The following SPDYE5 variants were observed in gnomAD, a reference collection of about 807,000 sequenced individuals.
The protein encoded by SPDYE5 is speedy/RINGO cell cycle regulator family member E5.
In SPDYE5, 15 loss-of-function variants were observed where a neutral mutation model predicts 48.5. The ratio of observed to expected loss-of-function variants is 0.31; its 90% CI spans 0.21 to 0.48. SPDYE5 has a LOEUF of 0.48. Ranked by LOEUF, SPDYE5 falls within the 20% of genes least tolerant of loss-of-function variation. The pLI, the probability that SPDYE5 is intolerant of heterozygous loss-of-function variation, is 0.99. For missense variants in SPDYE5, 331 were observed against 549.1 expected, an observed-to-expected ratio of 0.60 and a Z score of 3.97; for synonymous variants, 116 against 200.7, an observed-to-expected ratio of 0.58 and a Z score of 3.57.
At chr7:75,496,015 CAAA>C (rs58917345) in intron 3 of SPDYE5, among the ~76,000 whole-genome samples, 20 of 65,792 alleles carry the variant, frequency 3.0e-4, no homozygotes, top group East Asian at 5.4e-4. Flanking sequence ...GACGCTGTGT[CAAA>C]AAAAAAAAAA....
rs1282248176 is a variant in SPDYE5, at chr7:75,503,169, A to G, written c.*382A>G. 3.2e-5 allele frequency: 13 copies of G among 412,532 alleles called. No homozygotes were observed. Among genetic ancestry groups the G allele is most frequent in the African/African-American group, 8.2e-5 (4 of 48,606 alleles). 25.6% of individuals were successfully genotyped at this position (412,532 alleles called of 1,614,324 possible). On this transcript the variant is annotated 3_prime_UTR_variant, in exon 9 of 9. Coordinates refer to ENST00000625065, the MANE Select transcript of SPDYE5 (RefSeq NM_001306141.4). ...GGTCCTGTTTCTTATGGACTTGGTT[A>G]CCACAGTCCAGAAGCATTTGAAGGC...
chr7:75,495,355 G>A lies in SPDYE5; in HGVS notation c.360G>A (p.Lys120=). The A allele has an allele frequency of 1.3e-6, 2 of 1,597,630 alleles. No individual in the cohort carries two copies. The highest frequency in any genetic ancestry group is 1.1e-5 in the South Asian group (1 of 90,992). Reference sequence around the variant, plus strand: ...CACCCATCCTCCCTGAGCACCACAAGGGCTTCAACAGTCAGCTTGGTAGGA... The same window carrying A: ...CACCCATCCTCCCTGAGCACCACAAAGGCTTCAACAGTCAGCTTGGTAGGA... ...RVSPILPEHH[K]GFNSQLAPGV... is the part of the protein sequence containing the mutation. Residue 120 remains lysine, a synonymous_variant, in exon 3 of 9, where the codon AAG becomes AAA. Transcript: ENST00000625065.
Position 75,503,745 on chromosome 7 carries a change from A to G in SPDYE5, c.*958A>G. On this transcript the variant is annotated 3_prime_UTR_variant, in exon 9 of 9. Coordinates refer to ENST00000625065, the MANE Select transcript of SPDYE5 (RefSeq NM_001306141.4). ...ATCTATTTTATTGGTTTATTTTGAA[A>G]AACATGGGTATAGAATTATTTAAAT... 1 of 149,444 alleles carries G rather than the reference A, an allele frequency of 6.7e-6. No homozygotes were observed. The highest frequency in any genetic ancestry group is 1.5e-5 in the Non-Finnish European group (1 of 67,444). The allele number at this position is 149,444 out of a possible 1,614,324, so 9.3% of individuals were successfully genotyped here.
intron 3 of SPDYE5, among the ~76,000 whole-genome samples, chr7:75,495,619 C>T (rs587707340): frequency 1.1e-3 from 169 of 152,348 alleles, no homozygotes; most frequent in African/African-American, 3.9e-3. Flanking sequence ...TGGCTCACGC[C>T]TGAGATCCTA....
At chr7:75,497,618 C>T (rs1554482776) in intron 4 of SPDYE5, among the ~76,000 whole-genome samples, 2 of 147,270 alleles carry the variant, frequency 1.4e-5, no homozygotes, top group African/African-American at 5.1e-5. Context: ...GTGACTGTCT[C>T]ATGAGGAAAT....
chr7:75,500,777 C>T (rs1793116171), intron 6 of SPDYE5, among the ~76,000 whole-genome samples: 1 of 152,184 alleles, frequency 6.6e-6, no homozygotes, highest in South Asian at 2.1e-4. Context: ...GGCCCAATCT[C>T]AACTCACTGC....
At chr7:75,500,904 C>T (rs1473338019) in intron 6 of SPDYE5, among the ~76,000 whole-genome samples, 1 of 152,130 alleles carries the variant, frequency 6.6e-6, no homozygotes, top group Non-Finnish European at 1.5e-5. Context: ...GATGGGGTTT[C>T]TCCGTGTTGA....
intron 1 of SPDYE5, among the ~76,000 whole-genome samples, chr7:75,493,319 C>G (rs1554481985): frequency 6.6e-6 from 1 of 151,738 alleles, no homozygotes; most frequent in African/African-American, 2.4e-5. Context: ...GGGGCAGTTT[C>G]CTATGATTTT....
At chr7:75,492,968 T>C (rs1451579697) in intron 1 of SPDYE5, among the ~76,000 whole-genome samples, 1 of 151,640 alleles carries the variant, frequency 6.6e-6, no homozygotes, top group Non-Finnish European at 1.5e-5. Context: ...GCTAATTTGG[T>C]TTGGTTTTGT....
At chr7:75,495,473 G>A (rs1343304619) in intron 3 of SPDYE5, 99 bp downstream of exon 3, 14 of 1,556,160 alleles carry the variant, frequency 9.0e-6, no homozygotes, top group Admixed American at 3.8e-5. Flanking sequence ...TACGCCCCCC[G>A]TGGGTGAGCT....
intron 2 of SPDYE5, among the ~76,000 whole-genome samples, chr7:75,494,480 G>T (rs1584735631): frequency 1.4e-5 from 2 of 146,942 alleles, no homozygotes; most frequent in Non-Finnish European, 3.0e-5. Context: ...CTGGGAGGAA[G>T]AGGTTGCAGT....
In SPDYE5 at chr7:75,500,744, T is replaced by G. The variant is rs587609682; in HGVS notation, c.756-618T>G. ...TGATTATTGAGATAGAGTCTTGCTCTGCCTCTCAGGCTGGAATGGAGTGGC... is the reference window on the plus strand; with the variant it reads ...TGATTATTGAGATAGAGTCTTGCTCGGCCTCTCAGGCTGGAATGGAGTGGC... On this transcript the variant is annotated intron_variant, in intron 6 of 8. Coordinates refer to ENST00000625065, the MANE Select transcript of SPDYE5 (RefSeq NM_001306141.4). Among the ~76,000 whole-genome samples the G allele has an allele frequency of 9.2e-5, 14 of 152,334 alleles. No individual in the cohort carries two copies. The East Asian group carries it at 2.5e-3, about 27-fold the overall frequency.
chr7:75,494,269 G>A, intron 2 of SPDYE5, 62 bp downstream of exon 2: 10 of 1,524,844 alleles, frequency 6.6e-6, no homozygotes, highest in Admixed American at 2.0e-5. Flanking sequence ...AAGGGGGCCA[G>A]GTGCGGTGGC....
rs1211173336 is a variant in SPDYE5 at position 75,503,451 on chromosome 7, C to G, written c.*664C>G. On this transcript the variant is annotated 3_prime_UTR_variant, in exon 9 of 9. Transcript: ENST00000625065. ...TAATTTTCTTTTCATTTTTAAGAGACAATTCTTTTTATCCTAAATATTTTA... is the reference window on the plus strand; with the variant it reads ...TAATTTTCTTTTCATTTTTAAGAGAGAATTCTTTTTATCCTAAATATTTTA... The G allele has an allele frequency of 2.0e-5, 3 of 153,758 alleles. No individual in the cohort carries two copies. The highest frequency in any genetic ancestry group is 7.2e-5 in the African/African-American group (3 of 41,426). 9.5% of individuals were successfully genotyped at this position (153,758 alleles called of 1,614,324 possible).
chr7:75,500,177 C>T (rs1208019793), intron 6 of SPDYE5, among the ~76,000 whole-genome samples: 7 of 136,848 alleles, frequency 5.1e-5, no homozygotes, highest in Non-Finnish European at 1.1e-4. Context: ...CTTTCTCTAT[C>T]GAGGCCAGGG....
Position 75,502,845 on chromosome 7 carries a change from A to G in SPDYE5, c.*58A>G. 1.0e-6 allele frequency: 1 copy of G among 999,726 alleles called. No homozygotes were observed. Among genetic ancestry groups the G allele is most frequent in the South Asian group, 1.6e-5 (1 of 64,038 alleles). 61.9% of individuals were successfully genotyped at this position (999,726 alleles called of 1,614,324 possible). On this transcript the variant is annotated 3_prime_UTR_variant, in exon 9 of 9. Coordinates refer to ENST00000625065, the MANE Select transcript of SPDYE5 (RefSeq NM_001306141.4). ...CTCTCACTTCCAGAACACCGGACCC[A>G]GGGGAGATGTGGATTTTCAGCAGGA...
In SPDYE5 at chr7:75,501,412, T is replaced by A; in HGVS notation, c.806T>A (p.Ile269Asn). 6.2e-7 allele frequency: 1 copy of A among 1,612,636 alleles called. No individual in the cohort carries two copies. The highest frequency in any genetic ancestry group is 8.5e-7 in the Non-Finnish European group (1 of 1,179,990). ...EEDDEDSKQN[I>N]FHFLYGKNRS... Reference sequence around the variant, plus strand: ...GACGACGAGGACTCCAAACAAAACATCTTCCACTTCCTGTATGGGAAGAAC... The same window carrying A: ...GACGACGAGGACTCCAAACAAAACAACTTCCACTTCCTGTATGGGAAGAAC... The change falls in exon 7 of 9, where the codon ATC (isoleucine) becomes AAC (asparagine). Residue 269 changes from isoleucine to asparagine, a missense_variant. Ile to Asn is a moderately radical substitution (Grantham distance 149). Transcript: ENST00000625065.
At chr7:75,494,231 G>C (rs1239319654) in intron 2 of SPDYE5, 24 bp downstream of exon 2, 1 of 1,534,354 alleles carries the variant, frequency 6.5e-7, no homozygotes. Context: ...TGGAAGAAGA[G>C]GTGGGATAGG....
chr7:75,496,737 G>A lies in SPDYE5; in HGVS notation c.443G>A (p.Trp148Ter), dbSNP rs1792947543. ...SFCWKRKMEWWDESEESLEEE... is the reference protein window; with the variant it reads ...SFCWKRKMEW ...TGCTGGAAAAGGAAGATGGAGTGGT[G>A]GGACGAATCTGAGGAGTCGTTGGAG... is the stretch of plus-strand genomic sequence containing the variant. The change falls in exon 4 of 9, where the codon TGG becomes TAG. Residue 148 changes from tryptophan (W) to a stop codon, truncating the protein, a stop_gained. Coordinates refer to ENST00000625065, the MANE Select transcript of SPDYE5 (RefSeq NM_001306141.4). LOFTEE classifies it high-confidence loss of function. The A allele has an allele frequency of 6.3e-7, 1 of 1,591,860 alleles. No homozygotes were observed. The highest frequency in any genetic ancestry group is 8.5e-7 in the Non-Finnish European group (1 of 1,177,406).
Sources: allele counts gnomAD v4.1 joint callset (sites outside exome capture counted in the v4.1 genomes callset), GRCh38; gene constraint gnomAD v4.1.1; transcripts MANE v1.5; gene names NCBI Gene and HGNC (gene_info 2026-07-23, HGNC 2026-07-21).